The following SNX6 variants were observed in gnomAD, a reference collection of about 807,000 sequenced individuals.
SNX6 encodes sorting nexin 6, also known as sorting nexin-6.
In SNX6, 34 loss-of-function variants were observed where a neutral mutation model predicts 63.0. The ratio of observed to expected loss-of-function variants is 0.54; its 90% CI spans 0.41 to 0.72. SNX6 has a LOEUF of 0.72. Ranked by LOEUF, SNX6 falls within the 30% of genes least tolerant of loss-of-function variation. The pLI is 0.00. For synonymous variants in SNX6, 170 were observed against 164.2 expected, an observed-to-expected ratio of 1.04 and a Z score of -0.27; for missense variants, 398 against 471.4, an observed-to-expected ratio of 0.84 and a Z score of 1.44.
In SNX6 at chr14:34,584,843, A is replaced by C. The variant is rs376487977; in HGVS notation, c.794+1387T>G. Among the ~76,000 whole-genome samples the C allele has an allele frequency of 1.1e-4, 17 of 151,792 alleles. No homozygotes were observed. In the East Asian group the frequency reaches 2.3e-3, roughly 21 times the overall value. ...AGGGAGAAGAAAAAATATCAACCCA[A>C]GTTTTTTCTTTTTTCTTTTTTTTTC... On this transcript the variant is annotated intron_variant, in intron 9 of 13. Coordinates refer to ENST00000362031, the MANE Select transcript of SNX6 (RefSeq NM_152233.4).
At chr14:34,613,563 C>A (rs1342870026) in intron 2 of SNX6, among the ~76,000 whole-genome samples, 1 of 151,952 alleles carries the variant, frequency 6.6e-6, no homozygotes, top group Admixed American at 6.6e-5. Context: ...GAGGCTGAGG[C>A]GGGTGAATCA....
chr14:34,625,255 C>T (rs1883783623), intron 2 of SNX6, among the ~76,000 whole-genome samples: 1 of 152,122 alleles, frequency 6.6e-6, no homozygotes, highest in Non-Finnish European at 1.5e-5. Context: ...ATGATCTAAA[C>T]TAAAAATGCA....
chr14:34,575,818 C>G lies in SNX6; in HGVS notation c.859G>C (p.Asp287His), dbSNP rs775964211. The change falls in exon 11 of 14, where the codon GAT (aspartate) becomes CAT (histidine). Residue 287 changes from aspartate to histidine, a missense_variant. Coordinates refer to ENST00000362031, the MANE Select transcript of SNX6 (RefSeq NM_152233.4). The part of the protein sequence containing the change: ...TRKIEARVSA[D>H]EDLKLSDLLK... ...AGATCAGAAAGTTTGAGGTCTTCAT[C>G]AGCAGACACTCGTGCTTCTATTTTC... 1 of 1,592,458 alleles carries G rather than the reference C, an allele frequency of 6.3e-7. No homozygotes were observed. The highest frequency in any genetic ancestry group is 8.6e-7 in the Non-Finnish European group (1 of 1,168,858).
At chr14:34,588,287 G>C (rs577133458) in intron 8 of SNX6, among the ~76,000 whole-genome samples, 23 of 152,186 alleles carry the variant, frequency 1.5e-4, no homozygotes, top group Admixed American at 8.5e-4. Flanking sequence ...GATTACAGGT[G>C]TGAGTCACTG....
At chr14:34,625,247 G>A (rs1394702999) in intron 2 of SNX6, among the ~76,000 whole-genome samples, 1 of 152,048 alleles carries the variant, frequency 6.6e-6, no homozygotes, top group Non-Finnish European at 1.5e-5. Flanking sequence ...TCAACAAGAT[G>A]ATCTAAACTA....
At chr14:34,568,841 AGCCTCGGCTAAAGTG>A in intron 11 of SNX6, 2 of 1,068,818 alleles carry the variant, frequency 1.9e-6, no homozygotes, top group Non-Finnish European at 2.9e-6. Context: ...ACATTCTTGG[AGCCTCGGCTAAAGTG>A]GCCAGGCATG....
At chr14:34,601,861 C>T (rs1882828445) in intron 6 of SNX6, among the ~76,000 whole-genome samples, 2 of 151,736 alleles carry the variant, frequency 1.3e-5, no homozygotes, top group South Asian at 4.2e-4. Flanking sequence ...TCCCAAAGTG[C>T]TGGGATTACA....
chr14:34,597,608 T>C lies in SNX6; in HGVS notation c.554A>G (p.Glu185Gly), dbSNP rs776348042. 1 of 1,608,004 alleles carries C rather than the reference T, an allele frequency of 6.2e-7. No homozygotes were observed. Among genetic ancestry groups the C allele is most frequent in the Non-Finnish European group, 8.5e-7 (1 of 1,176,388 alleles). ...TTTAACCATGTTTTTAAAGAAGTCT[T>C]CAAGTTTCTCTTTTTTATTTTTTCC... ...VRGKNKKEKL[E>G]DFFKNMVKSA... Residue 185 changes from glutamate (E) to glycine (G), a missense_variant, in exon 7 of 14, where the codon GAA (glutamate) becomes GGA (glycine). By Grantham distance (98) the Glu-to-Gly change is moderately conservative. Transcript: ENST00000362031.
intron 7 of SNX6, among the ~76,000 whole-genome samples, chr14:34,594,945 A>G (rs1043525660): frequency 6.6e-6 from 1 of 151,964 alleles, no homozygotes; most frequent in Non-Finnish European, 1.5e-5. Context: ...TACAAAAATT[A>G]GCTGGGTGTG....
At chr14:34,598,059 C>T (rs563203028) in intron 6 of SNX6, among the ~76,000 whole-genome samples, 206 of 152,156 alleles carry the variant, frequency 1.4e-3, no homozygotes, top group African/African-American at 4.7e-3. Context: ...TGTATGATTC[C>T]GCAATAACTC....
rs948200785 is a variant in SNX6 at position 34,629,855 on chromosome 14, G to A, written c.54+52C>T. 5 of 1,549,144 alleles carry A rather than the reference G, an allele frequency of 3.2e-6. No homozygotes were observed. The African/African-American group carries it at 5.5e-5, about 17-fold the overall frequency. ...CCCCGTACCACACCCGGGGACCCAG[G>A]ATGGGGAAGGAGGGTCCAGGGTCCC... On this transcript the variant is annotated intron_variant, in intron 2 of 13. Coordinates refer to ENST00000362031, the MANE Select transcript of SNX6 (RefSeq NM_152233.4).
intron 10 of SNX6, among the ~76,000 whole-genome samples, chr14:34,576,388 G>C (rs1194450877): frequency 2.0e-5 from 1 of 50,174 alleles, no homozygotes; most frequent in East Asian, 5.0e-4. Context: ...CACATAAAAT[G>C]AACAGAAAAA....
At chr14:34,612,306 A>C (rs1371343839) in intron 2 of SNX6, among the ~76,000 whole-genome samples, 1 of 152,190 alleles carries the variant, frequency 6.6e-6, no homozygotes, top group Admixed American at 6.5e-5. Flanking sequence ...ATCTACATCC[A>C]AATTCCTAGG....
chr14:34,627,432 C>G (rs950985444), intron 2 of SNX6, among the ~76,000 whole-genome samples: 3 of 150,122 alleles, frequency 2.0e-5, no homozygotes, highest in African/African-American at 7.4e-5. Flanking sequence ...TCGGCCTGGG[C>G]GAAAGAGCGA....
intron 6 of SNX6, among the ~76,000 whole-genome samples, chr14:34,602,425 T>TAAAAAA (rs36102476): frequency 7.2e-6 from 1 of 138,604 alleles, no homozygotes; most frequent in Non-Finnish European, 1.6e-5. Flanking sequence ...GAAACTGTCT[T>TAAAAAA]AAAAAAAAAA....
rs74473328 is a variant in SNX6, at chr14:34,576,435, C to CAT, written c.835-595_835-594dup. Among the ~76,000 whole-genome samples, 148 of 138,520 alleles carry CAT rather than the reference C, an allele frequency of 1.1e-3. 1 individual carries two copies. The highest frequency in any genetic ancestry group is 4.7e-3 in the East Asian group (22 of 4,686). The allele number at this position is 138,520 out of a possible 152,430, so 90.9% of individuals were successfully genotyped here. On this transcript the variant is annotated intron_variant, in intron 10 of 13. Coordinates refer to ENST00000362031, the MANE Select transcript of SNX6 (RefSeq NM_152233.4). Reference sequence around the variant, plus strand: ...GACTCGTGAGTTTATGGAAGGACACCATATATATATATATATATTTTTTTT... The same window carrying CAT: ...GACTCGTGAGTTTATGGAAGGACACCATATATATATATATATATATTTTTTTT...
chr14:34,610,475 A>T (rs1883186563), intron 2 of SNX6, among the ~76,000 whole-genome samples: 1 of 151,920 alleles, frequency 6.6e-6, no homozygotes, highest in African/African-American at 2.4e-5. Context: ...GAAGCACAAT[A>T]ATAAGAAGAC....
intron 2 of SNX6, among the ~76,000 whole-genome samples, chr14:34,628,902 T>C (rs1201982773): frequency 6.6e-6 from 1 of 151,952 alleles, no homozygotes; most frequent in Non-Finnish European, 1.5e-5. Flanking sequence ...CAAGGGACTA[T>C]AAAGATTACC....
chr14:34,617,325 A>C (rs868814646), intron 2 of SNX6, among the ~76,000 whole-genome samples: 13 of 152,232 alleles, frequency 8.5e-5, no homozygotes, highest in Non-Finnish European at 1.6e-4. Flanking sequence ...CTGACCTGTG[A>C]CCTGTTGTTC....
Sources: allele counts gnomAD v4.1 joint callset (sites outside exome capture counted in the v4.1 genomes callset), GRCh38; gene constraint gnomAD v4.1.1; transcripts MANE v1.5; gene names NCBI Gene and HGNC (gene_info 2026-07-23, HGNC 2026-07-21).